Variants in ZNF407 observed in about 807,000 individuals in gnomAD.
The protein encoded by ZNF407 is zinc finger protein 407.
ZNF407 carries 17 observed loss-of-function variants against 131.2 expected under a neutral mutation model. That is an observed-to-expected ratio of 0.13 (90% CI 0.09 to 0.19). The LOEUF (loss-of-function observed/expected upper bound fraction) is 0.19, where lower values mean the gene tolerates loss of function less well. Among genes scored for constraint, ZNF407 ranks in the 10% least tolerant of loss-of-function variants. ZNF407 has a pLI of 1.00. For missense variants in ZNF407, 2,681 were observed against 2,830.6 expected, an observed-to-expected ratio of 0.95 and a Z score of 1.20; for synonymous variants, 1,156 against 1,062.0, an observed-to-expected ratio of 1.09 and a Z score of -1.72.
At position 74,996,956 on chromosome 18, in the gene ZNF407, A is replaced by C. The variant is rs766265663; in HGVS notation, c.5429-66194A>C. 3.2e-4 allele frequency among the ~76,000 whole-genome samples: 48 copies of C among 152,370 alleles called. 1 individual carries two copies. The highest frequency in any genetic ancestry group is 1.9e-4 in the Non-Finnish European group (13 of 68,042). On this transcript the variant is annotated intron_variant, in intron 8 of 8. Coordinates refer to ENST00000299687, the MANE Select transcript of ZNF407 (RefSeq NM_017757.3). ...TTCCATTACCTTTGTGTAAATGAAAAATGCATAAAATATTTTAGCAAGGCA... is the reference window on the plus strand; with the variant it reads ...TTCCATTACCTTTGTGTAAATGAAACATGCATAAAATATTTTAGCAAGGCA...
At position 74,632,834 on chromosome 18, in the gene ZNF407, C is replaced by T; in HGVS notation, c.1815C>T (p.Asp605=). The change falls in exon 2 of 9, where the codon GAC becomes GAT. Residue 605 remains aspartate (D), a synonymous_variant. Coordinates refer to ENST00000299687, the MANE Select transcript of ZNF407 (RefSeq NM_017757.3). ...FISLDEINLR[D]HMKEKHNMHF... ...CCTTGGATGAAATAAATCTTAGAGA[C>T]CACATGAAGGAAAAGCACAATATGC... 1 of 1,613,746 alleles carries T rather than the reference C, an allele frequency of 6.2e-7. No individual in the cohort carries two copies. Among genetic ancestry groups the T allele is most frequent in the Non-Finnish European group, 8.5e-7 (1 of 1,179,872 alleles).
chr18:74,982,149 C>T (rs1347590897), intron 8 of ZNF407, among the ~76,000 whole-genome samples: 3 of 152,172 alleles, frequency 2.0e-5, no homozygotes, highest in South Asian at 2.1e-4. Context: ...TACAAATGTG[C>T]GGACTTTTTA....
In ZNF407 at chr18:74,635,037, A is replaced by G. The variant is rs753731025; in HGVS notation, c.4018A>G (p.Ile1340Val). The change falls in exon 2 of 9, where the codon ATA becomes GTA. Residue 1340 changes from isoleucine (I) to valine (V), a missense_variant. Transcript: ENST00000299687. This position sits in a 1 kb window ranked among gnomAD's most constrained non-coding sequence, Gnocchi z 4.7. ...TGAAAGTAGTGATGTCTATGAAACTATAATTAGTATTGATGATAAAGGGCA... is the reference window on the plus strand; with the variant it reads ...TGAAAGTAGTGATGTCTATGAAACTGTAATTAGTATTGATGATAAAGGGCA... The part of the protein sequence containing the change: ...TVESSDVYET[I>V]ISIDDKGQAM... 25 of 1,613,882 alleles carry G rather than the reference A, an allele frequency of 1.5e-5. No individual in the cohort carries two copies. Among genetic ancestry groups the G allele is most frequent in the Non-Finnish European group, 1.7e-5 (20 of 1,179,900 alleles).
intron 8 of ZNF407, among the ~76,000 whole-genome samples, chr18:74,975,745 A>G (rs966636224): frequency 9.2e-5 from 14 of 152,208 alleles, no homozygotes; most frequent in African/African-American, 2.7e-4. Flanking sequence ...TTCAACCTGC[A>G]AAAGGGGGTC....
chr18:74,913,138 C>T (rs1188906337), intron 7 of ZNF407, among the ~76,000 whole-genome samples: 2 of 152,136 alleles, frequency 1.3e-5, no homozygotes, highest in Non-Finnish European at 2.9e-5. Flanking sequence ...TACAATTCCT[C>T]TGAAGGGCAG....
chr18:74,876,578 A>G (rs1439056118), intron 4 of ZNF407, among the ~76,000 whole-genome samples: 2 of 152,028 alleles, frequency 1.3e-5, no homozygotes, highest in Non-Finnish European at 2.9e-5. Flanking sequence ...TTTTTTTCAT[A>G]CTGGAAATAG....
intron 3 of ZNF407, among the ~76,000 whole-genome samples, chr18:74,771,808 C>G (rs1019320441): frequency 6.6e-6 from 1 of 151,582 alleles, no homozygotes; most frequent in African/African-American, 2.4e-5. Flanking sequence ...TTCTCTTCAT[C>G]ATATAAGTAT....
Position 74,632,379 on chromosome 18 carries a change from A to G in ZNF407, c.1360A>G (p.Ser454Gly), listed in dbSNP as rs1984152583. The change falls in exon 2 of 9, where the codon AGT becomes GGT. Residue 454 changes from serine to glycine, a missense_variant. This residue lies in a region of ZNF407 where 1,789 missense variants were observed against 1,748.7 expected (regional missense o/e 1.02). Transcript: ENST00000299687. ...FNLLGIKRGT[S>G]ETQRMYMKHL... is the part of the protein sequence containing the mutation. ...TCTTTTAGGAATTAAAAGAGGTACAAGTGAAACTCAGAGGATGTATATGAA... is the reference window on the plus strand; with the variant it reads ...TCTTTTAGGAATTAAAAGAGGTACAGGTGAAACTCAGAGGATGTATATGAA... 4 of 1,613,932 alleles carry G rather than the reference A, an allele frequency of 2.5e-6. No homozygotes were observed. The highest frequency in any genetic ancestry group is 1.1e-5 in the South Asian group (1 of 91,090).
intron 4 of ZNF407, among the ~76,000 whole-genome samples, chr18:74,819,106 T>TTA (rs1302971550): frequency 6.6e-6 from 1 of 152,106 alleles, no homozygotes; most frequent in Non-Finnish European, 1.5e-5. Context: ...GGTCAAGTAT[T>TTA]CAGAATTCTG....
chr18:74,691,562 TTTA>T (rs576504065), intron 3 of ZNF407, among the ~76,000 whole-genome samples: 71 of 152,172 alleles, frequency 4.7e-4, no homozygotes, highest in Middle Eastern at 3.4e-3. Context: ...ATTTGTACTC[TTTA>T]TTATTCCTTT....
At chr18:74,599,157 A>G (rs373615904) in intron 1 of ZNF407, among the ~76,000 whole-genome samples, 5 of 152,288 alleles carry the variant, frequency 3.3e-5, no homozygotes, top group African/African-American at 9.6e-5. Flanking sequence ...TAGTACAGCA[A>G]TCTTGTGTAG....
At chr18:75,040,873 T>C (rs910761046) in intron 8 of ZNF407, among the ~76,000 whole-genome samples, 2 of 152,310 alleles carry the variant, frequency 1.3e-5, no homozygotes, top group Non-Finnish European at 2.9e-5. Context: ...ACAAAGCACA[T>C]GGAGAACGGT....
intron 3 of ZNF407, among the ~76,000 whole-genome samples, chr18:74,743,694 TTACTA>T (rs1489690805): frequency 6.6e-6 from 1 of 152,158 alleles, no homozygotes; most frequent in Non-Finnish European, 1.5e-5. Flanking sequence ...GAAAGAAACT[TTACTA>T]TATTCCTTCT....
At chr18:74,908,487 T>C (rs1971625412) in intron 7 of ZNF407, among the ~76,000 whole-genome samples, 1 of 152,196 alleles carries the variant, frequency 6.6e-6, no homozygotes, top group African/African-American at 2.4e-5. Flanking sequence ...GTTTCTTATA[T>C]ACATGGATCT....
chr18:74,680,250 A>G (rs1202977270), intron 3 of ZNF407, among the ~76,000 whole-genome samples: 1 of 152,030 alleles, frequency 6.6e-6, no homozygotes, highest in Admixed American at 6.6e-5. Flanking sequence ...ACCAAAAAAC[A>G]AAAACAAAAT....
chr18:74,745,925 G>A (rs1297618653), intron 3 of ZNF407, among the ~76,000 whole-genome samples: 1 of 152,088 alleles, frequency 6.6e-6, no homozygotes, highest in Admixed American at 6.6e-5. Context: ...TTCTTTATTA[G>A]TTGGTTTATC....
At chr18:74,759,341 G>A (rs1969039137) in intron 3 of ZNF407, among the ~76,000 whole-genome samples, 1 of 152,072 alleles carries the variant, frequency 6.6e-6, no homozygotes, top group South Asian at 2.1e-4. Context: ...TTTTTCCTAT[G>A]TGGTAATTAT....
intron 7 of ZNF407, among the ~76,000 whole-genome samples, chr18:74,915,321 A>AGT (rs5826357): frequency 0.03 from 4,045 of 133,080 alleles, 94 homozygotes; most frequent in African/African-American, 0.039. Flanking sequence ...TCGAATCGGG[A>AGT]GTGTGTGTGT....
chr18:74,901,507 A>G (rs1332863760), intron 7 of ZNF407, among the ~76,000 whole-genome samples: 1 of 152,196 alleles, frequency 6.6e-6, no homozygotes, highest in Non-Finnish European at 1.5e-5. Flanking sequence ...CATTATGAGG[A>G]AGCTTCCCTG....
Sources: allele counts gnomAD v4.1 joint callset (sites outside exome capture counted in the v4.1 genomes callset), GRCh38; gene constraint gnomAD v4.1.1; regional missense constraint gnomAD v4.1.1; non-coding constraint Gnocchi (gnomAD v3.1); transcripts MANE v1.5; gene names NCBI Gene and HGNC (gene_info 2026-07-23, HGNC 2026-07-21).